Variants in DCC observed in about 807,000 individuals in gnomAD.
DCC encodes DCC netrin 1 receptor, also known as netrin receptor DCC.
A neutral mutation model predicts 172.5 loss-of-function variants in DCC; 58 were observed. The ratio of observed to expected loss-of-function variants is 0.34; its 90% CI spans 0.27 to 0.42. The LOEUF (loss-of-function observed/expected upper bound fraction) is 0.42. DCC is among the 10% of genes least tolerant of loss of function. The pLI, the probability that DCC is intolerant of heterozygous loss-of-function variation, is 1.00. For synonymous variants in DCC, 709 were observed against 644.5 expected, an observed-to-expected ratio of 1.10 and a Z score of -1.52; for missense variants, 1,740 against 1,791.0, an observed-to-expected ratio of 0.97 and a Z score of 0.51.
chr18:53,429,045 T>G (rs1324204521), intron 21 of DCC, among the ~76,000 whole-genome samples: 3 of 42,582 alleles, frequency 7.0e-5, no homozygotes, highest in African/African-American at 1.7e-4. Flanking sequence ...ATATTTTATA[T>G]ATAATATATT....
At chr18:52,965,574 A>T (rs1268784486) in intron 5 of DCC, among the ~76,000 whole-genome samples, 1 of 152,172 alleles carries the variant, frequency 6.6e-6, no homozygotes, top group South Asian at 2.1e-4. Flanking sequence ...AGTAATAATA[A>T]TTTTTGTGTT....
chr18:52,507,848 CCCA>C (rs2031287883), intron 1 of DCC, among the ~76,000 whole-genome samples: 1 of 152,062 alleles, frequency 6.6e-6, no homozygotes, highest in Admixed American at 6.5e-5. Flanking sequence ...TACCTGTAAT[CCCA>C]GCTCTTTGGG....
At chr18:53,125,729 C>T (rs952380758) in intron 7 of DCC, among the ~76,000 whole-genome samples, 4 of 152,156 alleles carry the variant, frequency 2.6e-5, no homozygotes, top group African/African-American at 9.6e-5. Flanking sequence ...CATCTCAACA[C>T]AGATTTGGAC....
chr18:52,409,919 T>G (rs533443098), intron 1 of DCC, among the ~76,000 whole-genome samples: 1 of 152,218 alleles, frequency 6.6e-6, no homozygotes, highest in South Asian at 2.1e-4. Flanking sequence ...CTAAGACGTG[T>G]CACTGTTGCT....
intron 2 of DCC, among the ~76,000 whole-genome samples, chr18:52,820,589 C>G (rs1180280802): frequency 1.3e-5 from 2 of 151,882 alleles, no homozygotes; most frequent in Non-Finnish European, 2.9e-5. Context: ...CAGAATTGAA[C>G]AGGATGAAAA....
intron 5 of DCC, among the ~76,000 whole-genome samples, chr18:53,007,079 G>A (rs960467886): frequency 6.6e-6 from 1 of 152,084 alleles, no homozygotes; most frequent in African/African-American, 2.4e-5. Context: ...ACAAAAAGCA[G>A]AAAACAAAAC....
At chr18:53,178,828 A>G in intron 8 of DCC, 134 bp from the exon 9 acceptor site, 2 of 837,552 alleles carry the variant, frequency 2.4e-6, no homozygotes, top group African/African-American at 1.7e-5. Context: ...GAGGTCTTGA[A>G]TTATGTCCCA....
intron 5 of DCC, among the ~76,000 whole-genome samples, chr18:53,008,986 G>T (rs986676942): frequency 2.0e-5 from 3 of 151,902 alleles, no homozygotes; most frequent in Admixed American, 2.0e-4. Flanking sequence ...CAACATACCT[G>T]TAAAAAGTAG....
At chr18:52,917,377 G>C (rs2040058392) in intron 3 of DCC, among the ~76,000 whole-genome samples, 2 of 152,100 alleles carry the variant, frequency 1.3e-5, no homozygotes, top group Admixed American at 6.6e-5. Context: ...TTGATTTTTA[G>C]TATGGAATGT....
chr18:52,603,734 A>T (rs75378710), intron 1 of DCC, among the ~76,000 whole-genome samples: 1 of 151,974 alleles, frequency 6.6e-6, no homozygotes. Flanking sequence ...TGCAAACATT[A>T]GGCCTGAAGA....
intron 5 of DCC, among the ~76,000 whole-genome samples, chr18:52,969,279 G>C (rs1249459288): frequency 2.0e-5 from 3 of 151,968 alleles, no homozygotes; most frequent in Admixed American, 2.0e-4. Flanking sequence ...TGTCCTATGG[G>C]CATCTAAAGC....
chr18:52,758,104 G>A (rs745681773), intron 2 of DCC, among the ~76,000 whole-genome samples: 1 of 152,106 alleles, frequency 6.6e-6, no homozygotes, highest in Non-Finnish European at 1.5e-5. Flanking sequence ...AACTCCTTGT[G>A]GGAAACACTA....
At chr18:53,101,838 TGTGC>T (rs34229167) in intron 7 of DCC, among the ~76,000 whole-genome samples, 71,421 of 150,282 alleles carry the variant, frequency 0.48, 17,451 homozygotes, top group Non-Finnish European at 0.5. Context: ...TTTGTGTGTG[TGTGC>T]GTGTGCGTGT....
chr18:53,410,189 G>T lies in DCC; in HGVS notation c.2936-263G>T, dbSNP rs140694913. On this transcript the variant is annotated intron_variant, in intron 19 of 28. Transcript: ENST00000442544. Reference sequence around the variant, plus strand: ...ACAAACTAATAATCAGGATTTATAGGTAGCAGAAAGCACACATTTTTAAAT... The same window carrying T: ...ACAAACTAATAATCAGGATTTATAGTTAGCAGAAAGCACACATTTTTAAAT... Among the ~76,000 whole-genome samples the T allele has an allele frequency of 7.2e-5, 11 of 152,142 alleles. No individual in the cohort carries two copies. The East Asian group carries it at 2.1e-3, about 29-fold the overall frequency.
intron 2 of DCC, among the ~76,000 whole-genome samples, chr18:52,904,655 A>T (rs907242859): frequency 8.5e-5 from 13 of 152,202 alleles, no homozygotes; most frequent in Non-Finnish European, 1.3e-4. Flanking sequence ...GACAAAATTT[A>T]AACCTGGACC....
chr18:53,263,332 A>AGTAGAGACAGGGTTTTGC (rs1473988788), intron 12 of DCC, among the ~76,000 whole-genome samples: 13 of 151,962 alleles, frequency 8.6e-5, no homozygotes, highest in Non-Finnish European at 1.5e-4. Context: ...TTATATTTTT[A>AGTAGAGACAGGGTTTTGC]GTAGAGACAG....
intron 1 of DCC, among the ~76,000 whole-genome samples, chr18:52,563,479 A>G (rs188391652): frequency 3.6e-4 from 55 of 152,268 alleles, no homozygotes; most frequent in Middle Eastern, 3.4e-3. Context: ...GGTGTCTTAC[A>G]TCTTGTATGA....
intron 5 of DCC, among the ~76,000 whole-genome samples, chr18:52,978,930 T>C (rs1598992877): frequency 6.6e-6 from 1 of 152,242 alleles, no homozygotes; most frequent in East Asian, 1.9e-4. Flanking sequence ...CTATGGTGTA[T>C]ATGTACCACA....
chr18:52,891,213 C>A (rs2039645788), intron 2 of DCC, among the ~76,000 whole-genome samples: 1 of 152,002 alleles, frequency 6.6e-6, no homozygotes, highest in African/African-American at 2.4e-5. Context: ...TTTTAAGCTC[C>A]TCTATTAAGA....
Sources: gnomAD v4.1 joint callset for allele counts (sites outside exome capture counted in the v4.1 genomes callset) on GRCh38, gnomAD v4.1.1 for gene constraint, MANE v1.5 for transcripts, NCBI Gene and HGNC (gene_info 2026-07-23, HGNC 2026-07-21) for gene names.